MGAT4A: variants seen among roughly 807,000 people sequenced by gnomAD.
MGAT4A encodes the protein alpha-1,3-mannosyl-glycoprotein 4-beta-N-acetylglucosaminyltransferase A.
Under a neutral mutation model 74.1 loss-of-function variants are expected in MGAT4A, and 33 were observed. That is an observed-to-expected ratio of 0.45 (90% CI 0.34 to 0.60). MGAT4A has a LOEUF of 0.60. Among genes scored for constraint, MGAT4A ranks in the 20% least tolerant of loss-of-function variants. MGAT4A has a pLI of 0.02. For missense variants in MGAT4A, 479 were observed against 628.3 expected, an observed-to-expected ratio of 0.76 and a Z score of 2.54; for synonymous variants, 198 against 210.4, an observed-to-expected ratio of 0.94 and a Z score of 0.51.
rs149712907 is a variant in MGAT4A, at chr2:98,640,960, G to A, written c.1021-732C>T. Among the ~76,000 whole-genome samples, 48 of 152,294 alleles carry A rather than the reference G, an allele frequency of 3.2e-4. No homozygotes were observed. The East Asian group carries it at 8.9e-3, about 28-fold the overall frequency. ...TTGCATGAAAGCAACTTGAAAATGT[G>A]AGGCAATCATTTGCCTAGAAGCAAG... On this transcript the variant is annotated intron_variant, in intron 10 of 15. Coordinates refer to ENST00000393487, the MANE Select transcript of MGAT4A (RefSeq NM_012214.3).
chr2:98,700,467 TA>T (rs1702338936), intron 2 of MGAT4A, among the ~76,000 whole-genome samples: 1 of 151,742 alleles, frequency 6.6e-6, no homozygotes, highest in South Asian at 2.1e-4. Flanking sequence ...AGAACCCCTT[TA>T]CACTGTCTTC....
chr2:98,675,515 A>G (rs998398445), intron 3 of MGAT4A, among the ~76,000 whole-genome samples: 6 of 152,126 alleles, frequency 3.9e-5, no homozygotes, highest in African/African-American at 1.4e-4. Context: ...AATGTAATAA[A>G]TAATAAGTAC....
intron 4 of MGAT4A, among the ~76,000 whole-genome samples, chr2:98,666,393 A>G (rs1440458998): frequency 6.6e-6 from 1 of 152,202 alleles, no homozygotes; most frequent in African/African-American, 2.4e-5. Flanking sequence ...CCATAGAATA[A>G]TCTACCTCAG....
intron 2 of MGAT4A, among the ~76,000 whole-genome samples, chr2:98,704,864 A>T (rs758530754): frequency 6.6e-6 from 1 of 152,168 alleles, no homozygotes; most frequent in Non-Finnish European, 1.5e-5. Flanking sequence ...TTATTGCAGT[A>T]GTTTATGTGC....
At chr2:98,666,355 C>T (rs564245657) in intron 4 of MGAT4A, among the ~76,000 whole-genome samples, 18 of 152,178 alleles carry the variant, frequency 1.2e-4, no homozygotes, top group Non-Finnish European at 1.3e-4. Context: ...TCCCAAAAGA[C>T]AGGATGAGTT....
At chr2:98,729,129 A>C (rs921958059) in intron 1 of MGAT4A, among the ~76,000 whole-genome samples, 1 of 151,900 alleles carries the variant, frequency 6.6e-6, no homozygotes, top group Non-Finnish European at 1.5e-5. Context: ...TGAACTCTAA[A>C]ACCAAAGTAA....
At chr2:98,658,391 T>C (rs1701692239) in intron 5 of MGAT4A, 127 bp from the exon 6 acceptor site, 5 of 581,004 alleles carry the variant, frequency 8.6e-6, no homozygotes, top group Non-Finnish European at 1.2e-5. Flanking sequence ...TTTTAGACAA[T>C]TTATTAAATT....
intron 2 of MGAT4A, chr2:98,725,949 A>C: frequency 2.4e-6 from 1 of 408,988 alleles, no homozygotes; most frequent in Non-Finnish European, 4.3e-6. Context: ...TGCCAAAACG[A>C]AAGTCTTTAT....
In MGAT4A at chr2:98,678,365, T is replaced by C; in HGVS notation, c.201A>G (p.Gln67=). ...TTTCTGCTCCTACACGCTTGAACTG[T>C]TGCACAATCGTATTTAATTCAGAAG... ...QRSSELNTIV[Q]QFKRVGAETN... Residue 67 remains glutamine, a synonymous_variant, in exon 3 of 16, where the codon CAA becomes CAG. Coordinates refer to ENST00000393487, the MANE Select transcript of MGAT4A (RefSeq NM_012214.3). The C allele has an allele frequency of 6.3e-7, 1 of 1,575,280 alleles. No homozygotes were observed. The highest frequency in any genetic ancestry group is 8.7e-7 in the Non-Finnish European group (1 of 1,154,762).
intron 8 of MGAT4A, among the ~76,000 whole-genome samples, chr2:98,653,050 C>A (rs1701604375): frequency 6.6e-6 from 1 of 151,210 alleles, no homozygotes; most frequent in African/African-American, 2.4e-5. Flanking sequence ...AAACAACTCG[C>A]CCCTAAACAA....
intron 1 of MGAT4A, among the ~76,000 whole-genome samples, chr2:98,727,637 A>G (rs1411824807): frequency 6.6e-6 from 1 of 152,150 alleles, no homozygotes; most frequent in East Asian, 1.9e-4. Context: ...ATATACCTCG[A>G]AAAATGGCCA....
In MGAT4A at chr2:98,622,050, G is replaced by T. The variant is rs1261674102; in HGVS notation, c.*3516C>A. ...GACTACACAGTATGGTACAGCGCGTGATGTGGAGAATGCATGAGACTAAGA... is the reference window on the plus strand; with the variant it reads ...GACTACACAGTATGGTACAGCGCGTTATGTGGAGAATGCATGAGACTAAGA... On this transcript the variant is annotated 3_prime_UTR_variant, in exon 16 of 16. Coordinates refer to ENST00000393487, the MANE Select transcript of MGAT4A (RefSeq NM_012214.3). 3 of 985,360 alleles carry T rather than the reference G, an allele frequency of 3.0e-6. No homozygotes were observed. Among genetic ancestry groups the T allele is most frequent in the Non-Finnish European group, 3.6e-6 (3 of 829,968 alleles). The allele number at this position is 985,360 out of a possible 1,614,324, so 61.0% of individuals were successfully genotyped here.
At chr2:98,638,292 ACT>A (rs1334224932) in intron 12 of MGAT4A, among the ~76,000 whole-genome samples, 17 of 152,144 alleles carry the variant, frequency 1.1e-4, no homozygotes, top group Non-Finnish European at 2.2e-4. Context: ...ATAATTCTAT[ACT>A]CTCTATATAG....
At chr2:98,633,710 G>A (rs1169839854) in intron 14 of MGAT4A, among the ~76,000 whole-genome samples, 3 of 152,014 alleles carry the variant, frequency 2.0e-5, no homozygotes, top group Non-Finnish European at 4.4e-5. Context: ...TATTTTAGAT[G>A]GTCATTTTCT....
intron 14 of MGAT4A, among the ~76,000 whole-genome samples, chr2:98,626,906 C>T (rs1035082397): frequency 6.6e-6 from 1 of 152,166 alleles, no homozygotes; most frequent in Non-Finnish European, 1.5e-5. Flanking sequence ...ATACTGATAT[C>T]AATCCACAAA....
intron 2 of MGAT4A, among the ~76,000 whole-genome samples, chr2:98,678,748 A>G (rs993365746): frequency 6.6e-6 from 1 of 152,196 alleles, no homozygotes; most frequent in African/African-American, 2.4e-5. Flanking sequence ...TTAAAGATGG[A>G]TAAAATGATA....
At chr2:98,673,388 TG>T (rs1701936220) in intron 4 of MGAT4A, among the ~76,000 whole-genome samples, 1 of 152,188 alleles carries the variant, frequency 6.6e-6, no homozygotes, top group Non-Finnish European at 1.5e-5. Flanking sequence ...ATATTTTCTA[TG>T]GGCATTTTCC....
At chr2:98,641,864 G>A (rs560900787) in intron 10 of MGAT4A, among the ~76,000 whole-genome samples, 9 of 150,900 alleles carry the variant, frequency 6.0e-5, no homozygotes, top group Non-Finnish European at 1.2e-4. Context: ...GTGGTGGCCC[G>A]TGCCTGTAGT....
chr2:98,730,028 C>T (rs1282028419), intron 1 of MGAT4A, among the ~76,000 whole-genome samples: 1 of 152,244 alleles, frequency 6.6e-6, no homozygotes, highest in Admixed American at 6.5e-5. Context: ...GTTCATCAAA[C>T]TGTTTTTTAA....
Sources: allele counts gnomAD v4.1 joint callset (sites outside exome capture counted in the v4.1 genomes callset), GRCh38; gene constraint gnomAD v4.1.1; transcripts MANE v1.5; gene names NCBI Gene and HGNC (gene_info 2026-07-23, HGNC 2026-07-21).